PCDHGA1: variants seen among roughly 807,000 people sequenced by gnomAD.
PCDHGA1 encodes the protein protocadherin gamma subfamily A, 1.
Under a neutral mutation model 58.0 loss-of-function variants are expected in PCDHGA1, and 32 were observed. That is an observed-to-expected ratio of 0.55 (90% CI 0.42 to 0.74). The LOEUF (loss-of-function observed/expected upper bound fraction) is 0.74, where lower values mean the gene tolerates loss of function less well. Ranked by LOEUF, PCDHGA1 falls within the 30% of genes least tolerant of loss-of-function variation. The pLI, the probability that PCDHGA1 is intolerant of heterozygous loss-of-function variation, is 0.00. For missense variants in PCDHGA1, 1,205 were observed against 1,182.3 expected (o/e 1.02, Z -0.28); for synonymous variants, 498 against 501.1 (o/e 0.99, Z 0.08).
At chr5:141,399,834 G>A (rs375768001) in intron 1 of PCDHGA1, 3 of 1,613,004 alleles carry the variant, frequency 1.9e-6, no homozygotes, top group African/African-American at 2.7e-5. Flanking sequence ...ACGGCTCTGC[G>A]CTCTTCGATA....
Position 141,481,023 on chromosome 5 carries a change from A to G in PCDHGA1, c.2422-13784A>G, listed in dbSNP as rs546827260. On this transcript the variant is annotated intron_variant, in intron 1 of 3. Transcript: ENST00000517417. ...CAGTGAGCCCAGATCACACCACTGC[A>G]CTCCAGCCTGGGCGACAGAGCGAGA... Among the ~76,000 whole-genome samples the G allele has an allele frequency of 9.0e-4, 137 of 152,218 alleles. 1 individual carries two copies. The highest frequency in any genetic ancestry group is 3.2e-3 in the African/African-American group (132 of 41,516).
chr5:141,345,177 G>A lies in PCDHGA1; in HGVS notation c.2421+12072G>A, dbSNP rs1323366540. 3.7e-6 allele frequency: 6 copies of A among 1,613,886 alleles called. No homozygotes were observed. The Admixed American group carries it at 6.7e-5, about 18-fold the overall frequency. On this transcript the variant is annotated intron_variant, in intron 1 of 3. Transcript: ENST00000517417. ...CCGAGATTCTGGGCAGAATGGGCAG[G>A]TTGAAGTTTTTGTCCTGGGAAATCT...
chr5:141,418,314 C>T, intron 1 of PCDHGA1: 1 of 1,613,988 alleles, frequency 6.2e-7, no homozygotes. Context: ...GGGATGGGAA[C>T]AATTCTTGAG....
At chr5:141,414,894 A>T in intron 1 of PCDHGA1, 1 of 1,613,958 alleles carries the variant, frequency 6.2e-7, no homozygotes, top group South Asian at 1.1e-5. Flanking sequence ...CCCTCCCCAC[A>T]GACGGTTCCA....
chr5:141,487,920 C>G lies in PCDHGA1; in HGVS notation c.2422-6887C>G, dbSNP rs561819225. On this transcript the variant is annotated intron_variant, in intron 1 of 3. Coordinates refer to ENST00000517417, the MANE Select transcript of PCDHGA1 (RefSeq NM_018912.3). This position sits in a 1 kb window ranked among gnomAD's most constrained non-coding sequence, Gnocchi z 5.0. ...TGGAATGTGGGAGCACAGGAGGCTA[C>G]AGTGCACAGGGTACAGTGCACCAGG... The G allele has an allele frequency of 4.7e-6, 3 of 644,662 alleles. No individual in the cohort carries two copies. The Admixed American group carries it at 8.5e-5, about 18-fold the overall frequency. 39.9% of individuals were successfully genotyped at this position (644,662 alleles called of 1,614,324 possible).
At chr5:141,360,081 C>A (rs1380331452) in intron 1 of PCDHGA1, 2 of 1,486,164 alleles carry the variant, frequency 1.3e-6, no homozygotes, top group Non-Finnish European at 1.8e-6. Context: ...CCGGATTCTG[C>A]CATCCCCGGA....
intron 1 of PCDHGA1, chr5:141,399,783 C>T: frequency 6.2e-7 from 1 of 1,613,300 alleles, no homozygotes; most frequent in Non-Finnish European, 8.5e-7. Context: ...GCGACCGAAA[C>T]GACAACGCAC....
At chr5:141,407,960 C>T in intron 1 of PCDHGA1, 1 of 669,186 alleles carries the variant, frequency 1.5e-6, no homozygotes, top group Non-Finnish European at 2.4e-6. Flanking sequence ...CAGTGCAGAG[C>T]AAGCGCTGAC....
At position 141,350,941 on chromosome 5, in the gene PCDHGA1, C is replaced by T. The variant is rs374757232; in HGVS notation, c.2421+17836C>T. 4.4e-5 allele frequency: 71 copies of T among 1,613,958 alleles called. 1 individual carries two copies. Among genetic ancestry groups the T allele is most frequent in the Admixed American group, 2.5e-4 (15 of 60,010 alleles). ...TAAGCGGCACCACCCATATCTGGAT[C>T]CGAGTTACGGATGCCAATGATAATG... is the stretch of plus-strand genomic sequence containing the variant. On this transcript the variant is annotated intron_variant, in intron 1 of 3. Coordinates refer to ENST00000517417, the MANE Select transcript of PCDHGA1 (RefSeq NM_018912.3).
At chr5:141,504,709 C>G (rs11743102) in intron 2 of PCDHGA1, among the ~76,000 whole-genome samples, 29,287 of 151,306 alleles carry the variant, frequency 0.19, 2,876 homozygotes, top group Middle Eastern at 0.24. Context: ...CTTCTATGGC[C>G]GTGGATTTTA....
At chr5:141,340,029 C>T in intron 1 of PCDHGA1, 2 of 1,614,156 alleles carry the variant, frequency 1.2e-6, no homozygotes, top group Non-Finnish European at 1.7e-6. Context: ...ACATCTGCTA[C>T]TAGCTCAGTT....
chr5:141,374,241 G>T lies in PCDHGA1; in HGVS notation c.2421+41136G>T, dbSNP rs761928573. The T allele has an allele frequency of 2.5e-6, 4 of 1,614,020 alleles. No homozygotes were observed. In the Admixed American group the frequency reaches 6.7e-5, roughly 27 times the overall value. On this transcript the variant is annotated intron_variant, in intron 1 of 3. Transcript: ENST00000517417. Reference sequence around the variant, plus strand: ...GTAGGCAACATCGTCAAGGATCTGGGACTGGAGCCCCAGGAGTTGGCGGAG... The same window carrying T: ...GTAGGCAACATCGTCAAGGATCTGGTACTGGAGCCCCAGGAGTTGGCGGAG...
At chr5:141,350,630 A>G (rs761842386) in intron 1 of PCDHGA1, 6 of 1,613,930 alleles carry the variant, frequency 3.7e-6, no homozygotes, top group Non-Finnish European at 5.1e-6. Context: ...CCAAGATATT[A>G]ATGACAATGC....
intron 1 of PCDHGA1, among the ~76,000 whole-genome samples, chr5:141,481,400 T>C (rs2154578591): frequency 6.6e-6 from 1 of 152,358 alleles, no homozygotes; most frequent in East Asian, 1.9e-4. Context: ...GTGACAAAAT[T>C]CTTGTATAAT....
At position 141,404,863 on chromosome 5, in the gene PCDHGA1, G is replaced by A. The variant is rs370856862; in HGVS notation, c.2421+71758G>A. 507 of 1,613,746 alleles carry A rather than the reference G, an allele frequency of 3.1e-4. 2 individuals are homozygous for A. The highest frequency in any genetic ancestry group is 3.8e-4 in the Non-Finnish European group (451 of 1,179,902). On this transcript the variant is annotated intron_variant, in intron 1 of 3. Coordinates refer to ENST00000517417, the MANE Select transcript of PCDHGA1 (RefSeq NM_018912.3). ...CTCGGGCCCTGCTAGATAGAGATGC[G>A]CTCAAACAGAGCCTTGTGGTGGCTG...
intron 1 of PCDHGA1, chr5:141,408,855 G>A: frequency 6.2e-7 from 1 of 1,613,572 alleles, no homozygotes; most frequent in Non-Finnish European, 8.5e-7. Flanking sequence ...TTGGACGGAG[G>A]GGACCCACCA....
At chr5:141,423,558 G>A (rs770532900) in intron 1 of PCDHGA1, 1 of 1,613,462 alleles carries the variant, frequency 6.2e-7, no homozygotes, top group African/African-American at 1.3e-5. Flanking sequence ...CCAACTATGG[G>A]GACACGCTCA....
intron 1 of PCDHGA1, chr5:141,345,016 T>C: frequency 6.2e-7 from 1 of 1,614,016 alleles, no homozygotes; most frequent in Non-Finnish European, 8.5e-7. Flanking sequence ...CCAGGTCTTC[T>C]TTCAAGAGCC....
chr5:141,435,922 G>A (rs1312886163), intron 1 of PCDHGA1, among the ~76,000 whole-genome samples: 1 of 152,070 alleles, frequency 6.6e-6, no homozygotes, highest in Non-Finnish European at 1.5e-5. Context: ...TCTAAAATGC[G>A]GCAGTTGCTG....
Sources: gnomAD v4.1 joint callset for allele counts (sites outside exome capture counted in the v4.1 genomes callset) on GRCh38, gnomAD v4.1.1 for gene constraint, Gnocchi (gnomAD v3.1) non-coding constraint, MANE v1.5 for transcripts, NCBI Gene and HGNC (gene_info 2026-07-23, HGNC 2026-07-21) for gene names.